The following ATXN10 variants were observed in gnomAD, a reference collection of about 807,000 sequenced individuals.
ATXN10 encodes the protein ataxin 10.
A neutral mutation model predicts 52.9 loss-of-function variants in ATXN10; 28 were observed. The ratio of observed to expected loss-of-function variants is 0.53; its 90% CI spans 0.39 to 0.73. The LOEUF is 0.73. Among genes scored for constraint, ATXN10 ranks in the 30% least tolerant of loss-of-function variants. The pLI is 0.00. For missense variants in ATXN10, 565 were observed against 577.0 expected (o/e 0.98, Z 0.21); for synonymous variants, 226 against 221.5 (o/e 1.02, Z -0.18).
At chr22:45,697,171 G>A (rs1028991249) in intron 3 of ATXN10, among the ~76,000 whole-genome samples, 3 of 151,556 alleles carry the variant, frequency 2.0e-5, no homozygotes, top group Admixed American at 6.6e-5. Context: ...GTTTGCTCTC[G>A]TTGCCCAGGC....
intron 10 of ATXN10, among the ~76,000 whole-genome samples, chr22:45,836,122 CAT>C (rs113587545): frequency 6.6e-6 from 1 of 152,162 alleles, no homozygotes; most frequent in African/African-American, 2.4e-5. Flanking sequence ...GTATTGAACA[CAT>C]AGTTTCCAGC....
rs1356545873 is a variant in ATXN10 at position 45,769,462 on chromosome 22, G to A, written c.1173+28924G>A. 6.6e-6 allele frequency among the ~76,000 whole-genome samples: 1 copy of A among 152,152 alleles called. No individual in the cohort carries two copies. Among genetic ancestry groups the A allele is most frequent in the East Asian group, 1.9e-4 (1 of 5,182 alleles). ...GGCCCCCAATGCCACAGTATAGGGG[G>A]AATGGAGATGGCTTGGAAAAGAGGT... On this transcript the variant is annotated intron_variant, in intron 9 of 11. Transcript: ENST00000252934. The surrounding 1 kb of genome is among the most constrained non-coding windows in gnomAD (Gnocchi z 4.2).
intron 7 of ATXN10, among the ~76,000 whole-genome samples, chr22:45,737,178 G>A (rs139860251): frequency 5.5e-4 from 84 of 152,312 alleles, no homozygotes; most frequent in Non-Finnish European, 8.7e-4. Flanking sequence ...AATTCTTTCT[G>A]ATGTTTAATG....
At chr22:45,764,225 G>A (rs928685191) in intron 9 of ATXN10, among the ~76,000 whole-genome samples, 2 of 151,802 alleles carry the variant, frequency 1.3e-5, no homozygotes, top group South Asian at 4.2e-4. Context: ...TAGATCCACC[G>A]CTACCCCCCA....
intron 10 of ATXN10, among the ~76,000 whole-genome samples, chr22:45,832,695 T>C (rs1229444613): frequency 6.6e-6 from 1 of 152,246 alleles, no homozygotes; most frequent in African/African-American, 2.4e-5. Context: ...GATGTAAGAT[T>C]AACAGTTTGA....
At position 45,843,053 on chromosome 22, in the gene ATXN10, G is replaced by C. The variant is rs1435429560; in HGVS notation, c.1300G>C (p.Asp434His). ...NLTEDNSQNQ[D>H]LIAKMEEQGL... is the part of the protein sequence containing the mutation. Reference sequence around the variant, plus strand: ...TACCGAAGACAACAGCCAAAACCAAGATTTGATTGCAAAGATGGAGGAACA... The same window carrying C: ...TACCGAAGACAACAGCCAAAACCAACATTTGATTGCAAAGATGGAGGAACA... Residue 434 changes from aspartate (D) to histidine (H), a missense_variant, in exon 11 of 12, where the codon GAT (aspartate) becomes CAT (histidine). Coordinates refer to ENST00000252934, the MANE Select transcript of ATXN10 (RefSeq NM_013236.4). This position sits in a 1 kb window ranked among gnomAD's most constrained non-coding sequence, Gnocchi z 4.5. 1.2e-6 allele frequency: 2 copies of C among 1,614,184 alleles called. No individual in the cohort carries two copies. Among genetic ancestry groups the C allele is most frequent in the Non-Finnish European group, 1.7e-6 (2 of 1,180,030 alleles).
chr22:45,734,744 C>G (rs945963606), intron 7 of ATXN10, among the ~76,000 whole-genome samples: 1 of 151,388 alleles, frequency 6.6e-6, no homozygotes, highest in Admixed American at 6.6e-5. Flanking sequence ...TTTGACTATC[C>G]AAGATTATAA....
intron 9 of ATXN10, among the ~76,000 whole-genome samples, chr22:45,799,960 A>G (rs2146877394): frequency 6.6e-6 from 1 of 152,288 alleles, no homozygotes. Context: ...TATGGAGTAA[A>G]AAAGAACCTA....
rs1818482470 is a variant in ATXN10 at position 45,820,043 on chromosome 22, T to C, written c.1237+13021T>C. On this transcript the variant is annotated intron_variant, in intron 10 of 11. Transcript: ENST00000252934. The surrounding 1 kb of genome is among the most constrained non-coding windows in gnomAD (Gnocchi z 4.9). The stretch of plus-strand genomic sequence containing the variant: ...TCACAGCCATTCAGCACTGTTGGAC[T>C]GTAACTCCTGGGCTGTTTTATTTTG... 6.6e-6 allele frequency among the ~76,000 whole-genome samples: 1 copy of C among 152,186 alleles called. No homozygotes were observed. Among genetic ancestry groups the C allele is most frequent in the African/African-American group, 2.4e-5 (1 of 41,452 alleles).
chr22:45,707,374 T>G (rs2060899066), intron 5 of ATXN10, among the ~76,000 whole-genome samples: 1 of 152,120 alleles, frequency 6.6e-6, no homozygotes, highest in Non-Finnish European at 1.5e-5. Flanking sequence ...TCATTTGTAT[T>G]TCAATTAAGA....
In ATXN10 at chr22:45,753,124, T is replaced by G. The variant is rs191093035; in HGVS notation, c.1173+12586T>G. ...TTGGAGATTGTTTTTATTTCTAGTT[T>G]TTAGGGTATGGTTTTTCTCATTTGT... On this transcript the variant is annotated intron_variant, in intron 9 of 11. Coordinates refer to ENST00000252934, the MANE Select transcript of ATXN10 (RefSeq NM_013236.4). Among the ~76,000 whole-genome samples, 3 of 152,236 alleles carry G rather than the reference T, an allele frequency of 2.0e-5. No individual in the cohort carries two copies. The East Asian group carries it at 5.8e-4, about 29-fold the overall frequency.
At chr22:45,737,155 C>A (rs530760686) in intron 7 of ATXN10, among the ~76,000 whole-genome samples, 1 of 152,158 alleles carries the variant, frequency 6.6e-6, no homozygotes, top group Non-Finnish European at 1.5e-5. Context: ...TGTTTTCAGT[C>A]CGTTACCGTT....
chr22:45,742,735 A>T (rs913284214), intron 9 of ATXN10, among the ~76,000 whole-genome samples: 5 of 152,198 alleles, frequency 3.3e-5, no homozygotes, highest in Admixed American at 3.3e-4. Flanking sequence ...AATTCCTGTG[A>T]GACATGGCGC....
chr22:45,771,193 C>T (rs903747251), intron 9 of ATXN10, among the ~76,000 whole-genome samples: 1 of 152,130 alleles, frequency 6.6e-6, no homozygotes, highest in African/African-American at 2.4e-5. Flanking sequence ...TGAAAACAAC[C>T]CAAATGTTCT....
chr22:45,704,319 AAAAC>A (rs1000521868), intron 5 of ATXN10, among the ~76,000 whole-genome samples: 4 of 151,964 alleles, frequency 2.6e-5, no homozygotes, highest in African/African-American at 9.7e-5. Flanking sequence ...TTAAAAAAAA[AAAAC>A]AGCTGGAATT....
In ATXN10 at chr22:45,727,331, A is replaced by ATATCTATCTACCTATC. The variant is rs1555890578; in HGVS notation, c.729-2084_729-2083insCCTATCTATCTATCTA. ...GTTCTGTCTGTCTGTCTATCTATCT[A>ATATCTATCTACCTATC]TATCTATCTATCTATCTATCTATCT... On this transcript the variant is annotated intron_variant, in intron 6 of 11. Transcript: ENST00000252934. This position sits in a 1 kb window ranked among gnomAD's most constrained non-coding sequence, Gnocchi z 4.6. Among the ~76,000 whole-genome samples the ATATCTATCTACCTATC allele has an allele frequency of 1.5e-3, 216 of 146,796 alleles. 1 individual carries two copies. The highest frequency in any genetic ancestry group is 5.3e-3 in the African/African-American group (210 of 39,330).
intron 1 of ATXN10, among the ~76,000 whole-genome samples, chr22:45,685,384 C>T (rs1275205730): frequency 6.6e-6 from 1 of 152,060 alleles, no homozygotes; most frequent in South Asian, 2.1e-4. Context: ...GAATGTCTAA[C>T]GGTTGAATTT....
At chr22:45,723,089 G>A (rs1270439644) in intron 6 of ATXN10, among the ~76,000 whole-genome samples, 3 of 152,156 alleles carry the variant, frequency 2.0e-5, no homozygotes, top group Non-Finnish European at 2.9e-5. Flanking sequence ...TTTGGGCCAC[G>A]TGGAATAGGT....
intron 9 of ATXN10, chr22:45,740,764 A>ATATGTATATGT: frequency 7.7e-6 from 2 of 260,534 alleles, no homozygotes; most frequent in Non-Finnish European, 1.4e-5. Flanking sequence ...GTATATATAT[A>ATATGTATATGT]TATGTATATG....
Sources: allele counts gnomAD v4.1 joint callset (sites outside exome capture counted in the v4.1 genomes callset), GRCh38; gene constraint gnomAD v4.1.1; non-coding constraint Gnocchi (gnomAD v3.1); transcripts MANE v1.5; gene names NCBI Gene and HGNC (gene_info 2026-07-23, HGNC 2026-07-21).